Variants in COPA observed in about 807,000 individuals in gnomAD.
The protein encoded by COPA is coat protein complex I subunit alpha.
In COPA, 10 loss-of-function variants were observed where a neutral mutation model predicts 158.7. That is an observed-to-expected ratio of 0.06 (90% CI 0.04 to 0.11). The LOEUF (loss-of-function observed/expected upper bound fraction) is 0.11, where lower values mean the gene tolerates loss of function less well. Among genes scored for constraint, COPA ranks in the 10% least tolerant of loss-of-function variants. The pLI is 1.00. For synonymous variants in COPA, 462 were observed against 542.8 expected, an observed-to-expected ratio of 0.85 and a Z score of 2.07; for missense variants, 1,065 against 1,536.7, an observed-to-expected ratio of 0.69 and a Z score of 5.13.
rs967646112 is a variant in COPA at position 160,323,484 on chromosome 1, G to A, written c.653C>T (p.Pro218Leu). The change falls in exon 8 of 33, where the codon CCC becomes CTC. Residue 218 changes from proline to leucine, a missense_variant. Physicochemically the swap from Pro to Leu is moderately conservative, Grantham distance 98. Coordinates refer to ENST00000241704, the MANE Select transcript of COPA (RefSeq NM_004371.4). ...VNWAAFHPTM[P>L]LIVSGADDRQ... Reference sequence around the variant, plus strand: ...ATCATCTGCCCCAGATACAATAAGGGGCATAGTGGGGTGGAAGGCAGCCCA... The same window carrying A: ...ATCATCTGCCCCAGATACAATAAGGAGCATAGTGGGGTGGAAGGCAGCCCA... 3.1e-6 allele frequency: 5 copies of A among 1,610,568 alleles called. No individual in the cohort carries two copies. Among genetic ancestry groups the A allele is most frequent in the Non-Finnish European group, 4.2e-6 (5 of 1,177,998 alleles).
At chr1:160,320,196 T>A (rs192409062) in intron 8 of COPA, among the ~76,000 whole-genome samples, 6 of 151,922 alleles carry the variant, frequency 3.9e-5, no homozygotes, top group Admixed American at 2.6e-4. Flanking sequence ...AAAGGAAACA[T>A]AACAACTGAG....
At chr1:160,340,390 C>G in intron 1 of COPA, 96 bp from the exon 2 acceptor site, 1 of 760,464 alleles carries the variant, frequency 1.3e-6, no homozygotes, top group Admixed American at 2.6e-5. Flanking sequence ...AAGGTTAATC[C>G]TAGGTTCATT....
chr1:160,314,702 C>G (rs868732799), intron 8 of COPA, among the ~76,000 whole-genome samples: 1 of 152,170 alleles, frequency 6.6e-6, no homozygotes, highest in East Asian at 1.9e-4. Context: ...TAACAACTGT[C>G]CTAGTTGGCC....
rs1278878831 is a variant in COPA at position 160,289,320 on chromosome 1, A to G, written c.*837T>C. 1.3e-5 allele frequency: 2 copies of G among 152,208 alleles called. No homozygotes were observed. The highest frequency in any genetic ancestry group is 6.5e-5 in the Admixed American group (1 of 15,280). 9.4% of individuals were successfully genotyped at this position (152,208 alleles called of 1,614,324 possible). A position where few individuals can be genotyped will look rare whatever the true frequency, so the allele number is the denominator to read the frequency against. On this transcript the variant is annotated 3_prime_UTR_variant, in exon 33 of 33. Transcript: ENST00000241704. ...TATTTAGTGTGAGAAATATGAGAAC[A>G]ATAGTTGTAAAGAACAAATCAATAA...
intron 8 of COPA, among the ~76,000 whole-genome samples, chr1:160,318,937 C>T (rs1431421091): frequency 6.6e-6 from 1 of 150,702 alleles, no homozygotes; most frequent in Non-Finnish European, 1.5e-5. Flanking sequence ...ATCACTTAAC[C>T]ACAAAAGAAG....
chr1:160,312,996 T>C (rs140720698), intron 10 of COPA, 89 bp downstream of exon 10: 2 of 1,183,436 alleles, frequency 1.7e-6, no homozygotes, highest in African/African-American at 1.5e-5. Flanking sequence ...CATCCTACTA[T>C]ACATTTACTA....
chr1:160,340,126 C>T, intron 2 of COPA, 55 bp downstream of exon 2: 1 of 1,496,966 alleles, frequency 6.7e-7, no homozygotes, highest in Non-Finnish European at 9.3e-7. Flanking sequence ...CTTAAAATAC[C>T]CCAGGATATT....
chr1:160,334,441 G>A (rs10908774), intron 4 of COPA, among the ~76,000 whole-genome samples: 65,040 of 151,930 alleles, frequency 0.43, 14,876 homozygotes, highest in South Asian at 0.61. Flanking sequence ...TTATGGCAAT[G>A]ACAAATAATT....
At chr1:160,325,743 A>T in intron 6 of COPA, 91 bp from the exon 7 acceptor site, 1 of 917,902 alleles carries the variant, frequency 1.1e-6, no homozygotes. Context: ...ACAGTGAAAA[A>T]GAAAAGAAAA....
chr1:160,308,124 G>C (rs767180033), intron 13 of COPA, among the ~76,000 whole-genome samples: 1 of 151,826 alleles, frequency 6.6e-6, no homozygotes, highest in Non-Finnish European at 1.5e-5. Context: ...AAATAAAAGT[G>C]GTAATAAAAC....
rs1658463725 is a variant in COPA, at chr1:160,297,832, G to A, written c.1978-87C>T. ...TCTGCAAAGCATCTGCATCTATATA[G>A]ATTTCCTGAAGAACTTCCTATACTT... On this transcript the variant is annotated intron_variant, in intron 19 of 32. Coordinates refer to ENST00000241704, the MANE Select transcript of COPA (RefSeq NM_004371.4). 3.6e-6 allele frequency: 5 copies of A among 1,373,560 alleles called. No homozygotes were observed. In the East Asian group the frequency reaches 1.2e-4, roughly 32 times the overall value. 85.1% of individuals were successfully genotyped at this position (1,373,560 alleles called of 1,614,324 possible). A position where few individuals can be genotyped will look rare whatever the true frequency, so the allele number is the denominator to read the frequency against.
chr1:160,320,486 G>A (rs1659295020), intron 8 of COPA, among the ~76,000 whole-genome samples: 1 of 151,626 alleles, frequency 6.6e-6, no homozygotes, highest in Admixed American at 6.6e-5. Context: ...GGCACAGCCT[G>A]TAGTCCCAGC....
intron 28 of COPA, 114 bp from the exon 29 acceptor site, chr1:160,292,312 G>T (rs954461139): frequency 6.5e-7 from 1 of 1,546,236 alleles, no homozygotes; most frequent in Non-Finnish European, 8.8e-7. Flanking sequence ...TAAAGTAGCT[G>T]GGGAAGAGGA....
At chr1:160,295,894 A>C in intron 22 of COPA, 35 bp from the exon 23 acceptor site, 1 of 1,585,828 alleles carries the variant, frequency 6.3e-7, no homozygotes, top group Non-Finnish European at 8.6e-7. Context: ...AAAAACAAAT[A>C]GCACTTGGAA....
At chr1:160,298,073 C>T (rs1283932632) in intron 19 of COPA, among the ~76,000 whole-genome samples, 4 of 151,612 alleles carry the variant, frequency 2.6e-5, no homozygotes, top group Non-Finnish European at 5.9e-5. Flanking sequence ...CCCACCTACT[C>T]GGGAAGCTGA....
intron 7 of COPA, among the ~76,000 whole-genome samples, chr1:160,324,253 C>T (rs1168432631): frequency 7.0e-6 from 1 of 143,624 alleles, no homozygotes; most frequent in Non-Finnish European, 1.5e-5. Flanking sequence ...AAACTATTTT[C>T]ATAATATTAC....
At chr1:160,327,058 A>G (rs1647267212) in intron 6 of COPA, among the ~76,000 whole-genome samples, 1 of 152,228 alleles carries the variant, frequency 6.6e-6, no homozygotes, top group Non-Finnish European at 1.5e-5. Context: ...TCTGATAACA[A>G]ACCTTTGGAA....
At chr1:160,294,676 T>C in intron 24 of COPA, 83 bp from the exon 25 acceptor site, 2 of 1,597,062 alleles carry the variant, frequency 1.3e-6, no homozygotes, top group Non-Finnish European at 1.7e-6. Context: ...CCTAGTTCGT[T>C]TCATGGCCTG....
At chr1:160,334,662 T>C (rs1443401110) in intron 4 of COPA, among the ~76,000 whole-genome samples, 1 of 152,214 alleles carries the variant, frequency 6.6e-6, no homozygotes, top group Non-Finnish European at 1.5e-5. Flanking sequence ...TTAATGCTAA[T>C]ACACAGAACT....
Sources: gnomAD v4.1 joint callset for allele counts (sites outside exome capture counted in the v4.1 genomes callset) on GRCh38, gnomAD v4.1.1 for gene constraint, MANE v1.5 for transcripts, NCBI Gene and HGNC (gene_info 2026-07-23, HGNC 2026-07-21) for gene names.